Variants in KIF26B observed in about 807,000 individuals in gnomAD.
KIF26B encodes kinesin-like protein KIF26B.
In KIF26B, 63 loss-of-function variants were observed where a neutral mutation model predicts 151.2. That is an observed-to-expected ratio of 0.42 (90% confidence interval 0.34 to 0.51). KIF26B has a LOEUF of 0.51. KIF26B is among the 20% of genes least tolerant of loss of function. The pLI is 0.07. For missense variants in KIF26B, 2,813 were observed against 2,913.6 expected (o/e 0.97, Z 0.79); for synonymous variants, 1,357 against 1,262.1 (o/e 1.08, Z -1.59).
intron 2 of KIF26B, among the ~76,000 whole-genome samples, chr1:245,229,615 C>T (rs1257935509): frequency 2.0e-5 from 3 of 152,174 alleles, no homozygotes; most frequent in East Asian, 1.9e-4. Context: ...ACTGTGTTTG[C>T]GTTTATTTTC....
intron 4 of KIF26B, among the ~76,000 whole-genome samples, chr1:245,527,828 C>T (rs1455936799): frequency 1.3e-5 from 2 of 151,752 alleles, no homozygotes; most frequent in African/African-American, 2.4e-5. Context: ...CCACCGCGCC[C>T]GGCCCGGGAT....
chr1:245,376,422 TA>T (rs113389945), intron 3 of KIF26B, among the ~76,000 whole-genome samples: 159 of 148,008 alleles, frequency 1.1e-3, no homozygotes, highest in East Asian at 9.3e-3. Flanking sequence ...CTTGGGAGAT[TA>T]AAAAAAAAAA....
At chr1:245,586,158 A>AGTGTGTGTGT (rs10526699) in intron 5 of KIF26B, among the ~76,000 whole-genome samples, 267 of 142,186 alleles carry the variant, frequency 1.9e-3, no homozygotes, top group African/African-American at 5.5e-3. Context: ...CACCATGACC[A>AGTGTGTGTGT]GTGTGTGTGT....
intron 2 of KIF26B, among the ~76,000 whole-genome samples, chr1:245,236,050 T>G (rs979993905): frequency 6.6e-6 from 1 of 151,926 alleles, no homozygotes; most frequent in Non-Finnish European, 1.5e-5. Context: ...CTGCCCCAGC[T>G]TCCCGAGTAG....
chr1:245,368,280 A>G (rs1052458102), intron 3 of KIF26B, among the ~76,000 whole-genome samples: 1 of 152,140 alleles, frequency 6.6e-6, no homozygotes, highest in Admixed American at 6.6e-5. Flanking sequence ...CAGGTCTTAA[A>G]TCTCCCAGGG....
chr1:245,652,529 T>A (rs1229405845), intron 10 of KIF26B, among the ~76,000 whole-genome samples: 1 of 152,164 alleles, frequency 6.6e-6, no homozygotes, highest in African/African-American at 2.4e-5. Flanking sequence ...CATATTTAGC[T>A]ATAGAAATCT....
intron 2 of KIF26B, among the ~76,000 whole-genome samples, chr1:245,283,768 A>G (rs1372566124): frequency 1.3e-5 from 2 of 149,872 alleles, no homozygotes; most frequent in East Asian, 2.0e-4. Context: ...GTTCACTGCA[A>G]CTTCCGACTG....
intron 5 of KIF26B, among the ~76,000 whole-genome samples, chr1:245,578,195 G>C (rs1007848032): frequency 1.3e-5 from 2 of 152,242 alleles, no homozygotes; most frequent in African/African-American, 2.4e-5. Flanking sequence ...GGAGTTAACA[G>C]GTTTAGGGGA....
rs61741293 is a variant in KIF26B at position 245,611,963 on chromosome 1, C to A, written c.2085C>A (p.Ser695Arg). 4 of 1,611,728 alleles carry A rather than the reference C, an allele frequency of 2.5e-6. No homozygotes were observed. The highest frequency in any genetic ancestry group is 3.4e-6 in the Non-Finnish European group (4 of 1,178,364). The change falls in exon 9 of 15, where the codon AGC becomes AGA. Residue 695 changes from serine (S) to arginine (R), a missense_variant. Ser to Arg is a moderately radical substitution (Grantham distance 110, BLOSUM62 -1). This residue lies in a region of KIF26B where 2,060 missense variants were observed against 2,088.6 expected (regional missense o/e 0.99). Transcript: ENST00000407071. ...LHIYQYRMEKSGKGGMSGGRS... is the reference protein window; with the variant it reads ...LHIYQYRMEKRGKGGMSGGRS... ...TCTACCAGTACCGGATGGAGAAGAGCGGGAAAGGGGGAAGTAAGTCGGCCA... is the reference window on the plus strand; with the variant it reads ...TCTACCAGTACCGGATGGAGAAGAGAGGGAAAGGGGGAAGTAAGTCGGCCA...
At chr1:245,631,850 CA>C (rs1198693945) in intron 9 of KIF26B, among the ~76,000 whole-genome samples, 2 of 152,010 alleles carry the variant, frequency 1.3e-5, no homozygotes, top group African/African-American at 4.8e-5. Flanking sequence ...CTGAGCTTTC[CA>C]ATTTGTTCGT....
chr1:245,355,267 G>A (rs571114713), intron 2 of KIF26B, among the ~76,000 whole-genome samples: 80 of 152,080 alleles, frequency 5.3e-4, no homozygotes, highest in Non-Finnish European at 9.0e-4. Context: ...GTGCTGCTCT[G>A]TACAGTGTAT....
At chr1:245,413,390 C>T (rs910955161) in intron 3 of KIF26B, among the ~76,000 whole-genome samples, 19 of 152,160 alleles carry the variant, frequency 1.2e-4, no homozygotes, top group Non-Finnish European at 8.8e-5. Flanking sequence ...TGGCCAGGTG[C>T]GGTGGCTCAC....
intron 10 of KIF26B, among the ~76,000 whole-genome samples, chr1:245,649,393 C>CCGAAATGT (rs991832985): frequency 7.9e-5 from 12 of 152,324 alleles, no homozygotes; most frequent in African/African-American, 2.9e-4. Flanking sequence ...CATCAAGCTC[C>CCGAAATGT]CGAAATGTCG....
At chr1:245,191,690 T>A (rs1354969415) in intron 2 of KIF26B, among the ~76,000 whole-genome samples, 2 of 152,036 alleles carry the variant, frequency 1.3e-5, no homozygotes, top group African/African-American at 4.8e-5. Flanking sequence ...ATGTAAAAAA[T>A]TACAACGAAG....
chr1:245,662,567 CACCCTATATATATAT>C (rs1349201314), intron 10 of KIF26B, among the ~76,000 whole-genome samples: 1,880 of 113,434 alleles, frequency 0.017, 291 homozygotes, highest in South Asian at 0.031. Flanking sequence ...TATATACACA[CACCCTATATATATAT>C]ACACCCAATG....
In KIF26B at chr1:245,687,239, C is replaced by T. The variant is rs768461840; in HGVS notation, c.4256C>T (p.Thr1419Ile). ...ACCGCCACCCCCAAAGCAGGCCCCA[C>T]ATTAGCCCAGTCCCGGGAGAGTAAG... ...APTATPKAGPTLAQSRESKEN... is the reference protein window; with the variant it reads ...APTATPKAGPILAQSRESKEN... Residue 1419 changes from threonine to isoleucine, a missense_variant, in exon 12 of 15, where the codon ACA (threonine) becomes ATA (isoleucine). Physicochemically the swap from Thr to Ile is moderately conservative, Grantham distance 89 (BLOSUM62 -1). Transcript: ENST00000407071. The surrounding 1 kb of genome is among the most constrained non-coding windows in gnomAD (Gnocchi z 4.9). The T allele has an allele frequency of 2.5e-6, 4 of 1,612,658 alleles. No individual in the cohort carries two copies. Among genetic ancestry groups the T allele is most frequent in the African/African-American group, 2.7e-5 (2 of 74,836 alleles).
intron 2 of KIF26B, among the ~76,000 whole-genome samples, chr1:245,240,699 G>C (rs531271976): frequency 1.3e-5 from 2 of 152,302 alleles, no homozygotes; most frequent in South Asian, 4.1e-4. Flanking sequence ...GGAAGTTTTA[G>C]TGAGATATAG....
At chr1:245,197,750 G>A (rs1669220576) in intron 2 of KIF26B, among the ~76,000 whole-genome samples, 1 of 152,168 alleles carries the variant, frequency 6.6e-6, no homozygotes, top group South Asian at 2.1e-4. Flanking sequence ...TATATAAAGT[G>A]ACACAGGAGA....
At chr1:245,505,864 T>C (rs1660720609) in intron 4 of KIF26B, among the ~76,000 whole-genome samples, 1 of 152,208 alleles carries the variant, frequency 6.6e-6, no homozygotes, top group Admixed American at 6.5e-5. Flanking sequence ...CATCTCTGCG[T>C]TGTATTTTCA....
Sources: gnomAD v4.1 joint callset for allele counts (sites outside exome capture counted in the v4.1 genomes callset) on GRCh38, gnomAD v4.1.1 for gene constraint, gnomAD v4.1.1 regional missense constraint, Gnocchi (gnomAD v3.1) non-coding constraint, MANE v1.5 for transcripts, NCBI Gene and HGNC (gene_info 2026-07-23, HGNC 2026-07-21) for gene names.